GHR: variants seen among roughly 807,000 people sequenced by gnomAD.
GHR encodes the protein GH receptor.
GHR carries 35 observed loss-of-function variants against 67.1 expected under a neutral mutation model. The ratio of observed to expected loss-of-function variants is 0.52; its 90% CI spans 0.40 to 0.69. The LOEUF is 0.69. Ranked by LOEUF, GHR falls within the 30% of genes least tolerant of loss-of-function variation. The pLI, the probability that GHR is intolerant of heterozygous loss-of-function variation, is 0.00. For synonymous variants in GHR, 272 were observed against 269.1 expected, an observed-to-expected ratio of 1.01 and a Z score of -0.10; for missense variants, 792 against 764.6, an observed-to-expected ratio of 1.04 and a Z score of -0.42.
chr5:42,506,559 T>C (rs1348468243), intron 1 of GHR, among the ~76,000 whole-genome samples: 1 of 152,208 alleles, frequency 6.6e-6, no homozygotes, highest in Admixed American at 6.5e-5. Flanking sequence ...GATCTGTCTC[T>C]AGAATCAATG....
chr5:42,713,392 C>A, intron 7 of GHR, 37 bp from the exon 8 acceptor site: 3 of 913,108 alleles, frequency 3.3e-6, no homozygotes, highest in South Asian at 2.6e-5. Context: ...TTCAACTATT[C>A]GTAATTCTGA....
chr5:42,628,679 C>CCA lies in GHR; in HGVS notation c.71-356_71-355dup, dbSNP rs915698948. Among the ~76,000 whole-genome samples the CCA allele has an allele frequency of 6.2e-4, 82 of 131,876 alleles. 18 individuals carry two copies. Among genetic ancestry groups the CCA allele is most frequent in the Non-Finnish European group, 2.2e-4 (14 of 62,326 alleles). The allele number at this position is 131,876 out of a possible 152,430, so 86.5% of individuals were successfully genotyped here. ...GATAAGGATGCTATGTCAGAGTCAG[C>CCA]CACAAAATGACCTGTTTAGCAAGAT... On this transcript the variant is annotated intron_variant, in intron 2 of 9. Coordinates refer to ENST00000230882, the MANE Select transcript of GHR (RefSeq NM_000163.5).
At chr5:42,624,940 A>G (rs184722907) in intron 2 of GHR, among the ~76,000 whole-genome samples, 1 of 152,368 alleles carries the variant, frequency 6.6e-6, no homozygotes, top group African/African-American at 2.4e-5. Context: ...CTTTCCCGCC[A>G]CTTTAAAATC....
At chr5:42,590,384 T>A (rs115431754) in intron 2 of GHR, among the ~76,000 whole-genome samples, 5,137 of 152,332 alleles carry the variant, frequency 0.034, 126 homozygotes, top group Middle Eastern at 0.051. Context: ...GAAATTTTTT[T>A]AAACTAGTGT....
At position 42,467,487 on chromosome 5, in the gene GHR, G is replaced by A. The variant is rs7702960; in HGVS notation, c.-12+43532G>A. On this transcript the variant is annotated intron_variant, in intron 1 of 9. Coordinates refer to ENST00000230882, the MANE Select transcript of GHR (RefSeq NM_000163.5). Reference sequence around the variant, plus strand: ...ATTTACAGCATTTTTCTGTAATGTGGAGTTTCTGGTGCCGAGCAAGTTGTG... The same window carrying A: ...ATTTACAGCATTTTTCTGTAATGTGAAGTTTCTGGTGCCGAGCAAGTTGTG... 5.4e-3 allele frequency: 5,504 copies of A among 1,028,060 alleles called. 190 individuals are homozygous for A. In the African/African-American group the frequency reaches 0.077, roughly 14 times the overall value. The allele number at this position is 1,028,060 out of a possible 1,614,324, so 63.7% of individuals were successfully genotyped here.
chr5:42,497,694 A>G (rs1746376920), intron 1 of GHR, among the ~76,000 whole-genome samples: 1 of 152,234 alleles, frequency 6.6e-6, no homozygotes, highest in African/African-American at 2.4e-5. Context: ...CTTTACAGAA[A>G]AAGTTTGCTG....
intron 1 of GHR, among the ~76,000 whole-genome samples, chr5:42,550,612 C>T (rs1748976729): frequency 6.6e-6 from 1 of 152,168 alleles, no homozygotes; most frequent in African/African-American, 2.4e-5. Flanking sequence ...CTTCACACAT[C>T]TCAATCTCTC....
chr5:42,493,911 T>C (rs777938770), intron 1 of GHR, among the ~76,000 whole-genome samples: 1 of 152,176 alleles, frequency 6.6e-6, no homozygotes, highest in Non-Finnish European at 1.5e-5. Context: ...GGCCAACTAA[T>C]ACAGTTTTAT....
intron 1 of GHR, among the ~76,000 whole-genome samples, chr5:42,473,812 G>A (rs1223620049): frequency 6.6e-6 from 1 of 151,720 alleles, no homozygotes; most frequent in African/African-American, 2.4e-5. Context: ...TGGATGCAGA[G>A]GTTGCAATGA....
At chr5:42,549,423 A>T (rs1308465196) in intron 1 of GHR, 1 of 152,282 alleles carries the variant, frequency 6.6e-6, no homozygotes, top group Non-Finnish European at 1.5e-5. Flanking sequence ...AATATCACTG[A>T]TTCCTTATAG....
At chr5:42,571,795 C>T (rs1447207059) in intron 2 of GHR, among the ~76,000 whole-genome samples, 2 of 152,220 alleles carry the variant, frequency 1.3e-5, no homozygotes, top group Non-Finnish European at 2.9e-5. Context: ...AATGTTTCCA[C>T]ACCACTTTGG....
chr5:42,657,572 T>C (rs1208714357), intron 3 of GHR, among the ~76,000 whole-genome samples: 1 of 152,176 alleles, frequency 6.6e-6, no homozygotes, highest in Non-Finnish European at 1.5e-5. Flanking sequence ...GATAAGTAGA[T>C]ACTTGCCAAT....
chr5:42,685,902 T>A (rs1346131952), intron 3 of GHR, among the ~76,000 whole-genome samples: 4 of 152,208 alleles, frequency 2.6e-5, no homozygotes, highest in Non-Finnish European at 5.9e-5. Context: ...GCCTGTTCAC[T>A]CTGCTGGTAG....
At chr5:42,480,145 C>G (rs1219843930) in intron 1 of GHR, among the ~76,000 whole-genome samples, 1 of 152,074 alleles carries the variant, frequency 6.6e-6, no homozygotes, top group Non-Finnish European at 1.5e-5. Flanking sequence ...TTGTTATGTA[C>G]CCAGTAGTCA....
intron 1 of GHR, among the ~76,000 whole-genome samples, chr5:42,530,173 CCACA>C (rs1010972434): frequency 1.3e-5 from 2 of 151,928 alleles, no homozygotes; most frequent in Non-Finnish European, 2.9e-5. Context: ...ACATCCTTCA[CCACA>C]CAGTTACCAT....
intron 1 of GHR, among the ~76,000 whole-genome samples, chr5:42,444,670 C>G (rs1427765415): frequency 6.6e-6 from 1 of 152,268 alleles, no homozygotes; most frequent in African/African-American, 2.4e-5. Flanking sequence ...GAGCTTCAAA[C>G]TGAACTACCT....
intron 1 of GHR, among the ~76,000 whole-genome samples, chr5:42,500,434 A>G (rs1313918641): frequency 6.6e-6 from 1 of 152,238 alleles, no homozygotes; most frequent in Non-Finnish European, 1.5e-5. Flanking sequence ...CTCTATCTGT[A>G]AAATGAAGAT....
At chr5:42,535,919 G>A (rs1396731128) in intron 1 of GHR, among the ~76,000 whole-genome samples, 1 of 151,380 alleles carries the variant, frequency 6.6e-6, no homozygotes, top group Non-Finnish European at 1.5e-5. Context: ...TATTTTTTTG[G>A]CAGCAATTGT....
In GHR at chr5:42,424,452, G is replaced by A; in HGVS notation, c.-12+497G>A. 4.3e-6 allele frequency: 3 copies of A among 697,850 alleles called. No individual in the cohort carries two copies. The highest frequency in any genetic ancestry group is 7.5e-6 in the Non-Finnish European group (3 of 400,810). The allele number at this position is 697,850 out of a possible 1,614,324, so 43.2% of individuals were successfully genotyped here. On this transcript the variant is annotated intron_variant, in intron 1 of 9. Transcript: ENST00000230882. This position sits in a 1 kb window ranked among gnomAD's most constrained non-coding sequence, Gnocchi z 4.1. ...GGGAAGAATCCCCGGCAGCGCGACT[G>A]GAGAGACTGGGGAGGTCGAGCTGTG... is the stretch of plus-strand genomic sequence containing the variant.
Sources: gnomAD v4.1 joint callset for allele counts (sites outside exome capture counted in the v4.1 genomes callset) on GRCh38, gnomAD v4.1.1 for gene constraint, Gnocchi (gnomAD v3.1) non-coding constraint, MANE v1.5 for transcripts, NCBI Gene and HGNC (gene_info 2026-07-23, HGNC 2026-07-21) for gene names.